The following HS6ST3 variants were observed in gnomAD, a reference collection of about 807,000 sequenced individuals.
The protein encoded by HS6ST3 is heparan sulfate 6-O-sulfotransferase 3.
In HS6ST3, 12 loss-of-function variants were observed where a neutral mutation model predicts 36.7. That is an observed-to-expected ratio of 0.33 (90% CI 0.21 to 0.53). HS6ST3 has a LOEUF of 0.53. Ranked by LOEUF, HS6ST3 falls within the 20% of genes least tolerant of loss-of-function variation. The pLI is 0.95. For synonymous variants in HS6ST3, 240 were observed against 257.5 expected (o/e 0.93, Z 0.65); for missense variants, 584 against 640.9 (o/e 0.91, Z 0.96).
chr13:96,620,093 A>G (rs1249390948), intron 1 of HS6ST3, among the ~76,000 whole-genome samples: 2 of 152,218 alleles, frequency 1.3e-5, no homozygotes, highest in African/African-American at 4.8e-5. Flanking sequence ...TTTGGTGATG[A>G]GGCTATCTAT....
At chr13:96,175,686 G>C (rs1256295119) in intron 1 of HS6ST3, among the ~76,000 whole-genome samples, 1 of 74,382 alleles carries the variant, frequency 1.3e-5, no homozygotes, top group African/African-American at 5.7e-5. Context: ...CCTTTCTAGT[G>C]AATTTGGCAA....
intron 1 of HS6ST3, among the ~76,000 whole-genome samples, chr13:96,446,033 C>T (rs545714885): frequency 1.3e-5 from 2 of 151,900 alleles, no homozygotes; most frequent in South Asian, 2.1e-4. Context: ...ATTAGCCGGG[C>T]GTGGTGGCGG....
rs532613147 is a variant in HS6ST3 at position 96,251,621 on chromosome 13, T to A, written c.707+160052T>A. ...TTCCTTCTAATGTTGGGCTTTGTTC[T>A]TTTTTCTTGAGATATAATGTTAGAT... On this transcript the variant is annotated intron_variant, in intron 1 of 1. Coordinates refer to ENST00000376705, the MANE Select transcript of HS6ST3 (RefSeq NM_153456.4). Among the ~76,000 whole-genome samples, 6 of 152,104 alleles carry A rather than the reference T, an allele frequency of 3.9e-5. No individual in the cohort carries two copies. In the South Asian group the frequency reaches 1.2e-3, roughly 31 times the overall value.
chr13:96,408,826 G>A (rs530265805), intron 1 of HS6ST3, among the ~76,000 whole-genome samples: 1 of 152,260 alleles, frequency 6.6e-6, no homozygotes, highest in East Asian at 1.9e-4. Context: ...AGGAGGCTGA[G>A]GCAGGGAGAA....
intron 1 of HS6ST3, among the ~76,000 whole-genome samples, chr13:96,102,705 A>G (rs1009940957): frequency 2.0e-5 from 3 of 152,194 alleles, no homozygotes; most frequent in Non-Finnish European, 4.4e-5. Context: ...TCTCTTCAAC[A>G]CCTATTGATC....
chr13:96,288,046 G>A (rs1232005575), intron 1 of HS6ST3, among the ~76,000 whole-genome samples: 8 of 152,068 alleles, frequency 5.3e-5, no homozygotes, highest in African/African-American at 1.9e-4. Context: ...CTTCATTTGG[G>A]AACTTGTTAG....
intron 1 of HS6ST3, among the ~76,000 whole-genome samples, chr13:96,312,490 G>C (rs2054946363): frequency 6.6e-6 from 1 of 151,932 alleles, no homozygotes; most frequent in African/African-American, 2.4e-5. Flanking sequence ...TTTTAAATCT[G>C]TTTTAGTTTA....
chr13:96,663,410 A>G (rs937341914), intron 1 of HS6ST3, among the ~76,000 whole-genome samples: 1 of 152,196 alleles, frequency 6.6e-6, no homozygotes, highest in African/African-American at 2.4e-5. Flanking sequence ...AGTACCAAAC[A>G]TCATGAGTCA....
At chr13:96,480,115 G>T (rs1317575870) in intron 1 of HS6ST3, among the ~76,000 whole-genome samples, 2 of 152,026 alleles carry the variant, frequency 1.3e-5, no homozygotes, top group Non-Finnish European at 2.9e-5. Flanking sequence ...TTGTTTATTT[G>T]TTTGTTTGTT....
intron 1 of HS6ST3, 62 bp downstream of exon 1, chr13:96,091,631 T>G: frequency 7.2e-7 from 1 of 1,393,754 alleles, no homozygotes; most frequent in East Asian, 2.6e-5. Flanking sequence ...TCCTCAGTCC[T>G]GACCCAGAGC....
chr13:96,191,519 AG>A (rs1296468506), intron 1 of HS6ST3, among the ~76,000 whole-genome samples: 30 of 152,316 alleles, frequency 2.0e-4, no homozygotes, highest in African/African-American at 7.0e-4. Flanking sequence ...TTCAAGGCCT[AG>A]ACACAAGTAG....
chr13:96,367,464 A>G (rs2055268696), intron 1 of HS6ST3, among the ~76,000 whole-genome samples: 1 of 152,224 alleles, frequency 6.6e-6, no homozygotes, highest in South Asian at 2.1e-4. Context: ...ATATTGATCC[A>G]CAACTTCCTC....
intron 1 of HS6ST3, among the ~76,000 whole-genome samples, chr13:96,643,545 A>G (rs750238597): frequency 9.9e-5 from 15 of 151,766 alleles, no homozygotes; most frequent in Non-Finnish European, 2.2e-4. Flanking sequence ...TAAAATTTAA[A>G]CAATTGCCTC....
chr13:96,742,230 G>A (rs1876458730), intron 1 of HS6ST3, among the ~76,000 whole-genome samples: 1 of 151,926 alleles, frequency 6.6e-6, no homozygotes. Context: ...TTTAAAATTT[G>A]AATACAAAAA....
chr13:96,701,995 G>T (rs982541689), intron 1 of HS6ST3, among the ~76,000 whole-genome samples: 13 of 152,126 alleles, frequency 8.5e-5, no homozygotes, highest in Admixed American at 8.5e-4. Context: ...AGGGATCTGA[G>T]GGAAACATGA....
intron 1 of HS6ST3, among the ~76,000 whole-genome samples, chr13:96,564,728 A>G (rs1226194076): frequency 2.0e-5 from 3 of 152,172 alleles, no homozygotes; most frequent in Admixed American, 6.5e-5. Context: ...TTTAAACAAG[A>G]TATTCCTCAT....
chr13:96,113,517 A>G (rs541404454), intron 1 of HS6ST3, among the ~76,000 whole-genome samples: 1 of 152,384 alleles, frequency 6.6e-6, no homozygotes, highest in South Asian at 2.1e-4. Flanking sequence ...AAATAACTAG[A>G]AAAATATTAA....
intron 1 of HS6ST3, among the ~76,000 whole-genome samples, chr13:96,298,648 T>A (rs535221732): frequency 6.6e-6 from 1 of 152,324 alleles, no homozygotes; most frequent in South Asian, 2.1e-4. Context: ...CAAATTGTTC[T>A]ACAGCAATTG....
intron 1 of HS6ST3, among the ~76,000 whole-genome samples, chr13:96,125,931 T>TC (rs2053948601): frequency 6.7e-6 from 1 of 150,140 alleles, no homozygotes; most frequent in South Asian, 2.1e-4. Context: ...CCCTCCCCAC[T>TC]CCCCCTACCC....
Sources: allele counts gnomAD v4.1 joint callset (sites outside exome capture counted in the v4.1 genomes callset), GRCh38; gene constraint gnomAD v4.1.1; transcripts MANE v1.5; gene names NCBI Gene and HGNC (gene_info 2026-07-23, HGNC 2026-07-21).